AKT3: variants seen among roughly 807,000 people sequenced by gnomAD.
AKT3 encodes the protein AKT serine/threonine kinase 3.
In AKT3, 15 loss-of-function variants were observed where a neutral mutation model predicts 65.3. That is an observed-to-expected ratio of 0.23 (90% confidence interval 0.15 to 0.35). The LOEUF (loss-of-function observed/expected upper bound fraction) is 0.35. Ranked by LOEUF, AKT3 falls within the 10% of genes least tolerant of loss-of-function variation. The probability of loss-of-function intolerance (pLI) is 1.00; values close to 1 mark genes in which losing one functional copy is unlikely to be tolerated. For missense variants in AKT3, 243 were observed against 576.5 expected, an observed-to-expected ratio of 0.42 and a Z score of 5.92; for synonymous variants, 206 against 183.8, an observed-to-expected ratio of 1.12 and a Z score of -0.98.
At chr1:243,495,763 TCTC>T (rs964458250), downstream of AKT3, among the ~76,000 whole-genome samples, 13 of 152,186 alleles carry the variant, frequency 8.5e-5, no homozygotes, top group African/African-American at 3.1e-4. Context: ...AGGGCACCTC[TCTC>T]CTCAGTGCGT....
In AKT3 at chr1:243,801,409, T is replaced by C. The variant is rs563558530; in HGVS notation, c.46+41716A>G. ...ATTCCATCAACCCATGTATTTCATA[T>C]GTAAATGTTCAATGAAACAGGACTT... On this transcript the variant is annotated intron_variant, in intron 2 of 13. Coordinates refer to ENST00000673466, the MANE Select transcript of AKT3 (RefSeq NM_005465.7). Among the ~76,000 whole-genome samples, 10 of 152,356 alleles carry C rather than the reference T, an allele frequency of 6.6e-5. No individual in the cohort carries two copies. In the South Asian group the frequency reaches 1.0e-3, roughly 16 times the overall value.
At chr1:243,489,994 G>A (rs906112882) in intron 13 of AKT3, among the ~76,000 whole-genome samples, 1 of 152,192 alleles carries the variant, frequency 6.6e-6, no homozygotes, top group Non-Finnish European at 1.5e-5. Flanking sequence ...GTGGTCCGTG[G>A]GCTGACCAAG....
chr1:243,678,732 T>C (rs547518484), intron 3 of AKT3, among the ~76,000 whole-genome samples: 5 of 152,202 alleles, frequency 3.3e-5, no homozygotes, highest in African/African-American at 1.2e-4. Flanking sequence ...CAAATCCAGG[T>C]TTTCTAGCTC....
chr1:243,569,364 A>G (rs531914720), intron 9 of AKT3, among the ~76,000 whole-genome samples: 1 of 152,206 alleles, frequency 6.6e-6, no homozygotes, highest in Non-Finnish European at 1.5e-5. Flanking sequence ...TACCAGTACA[A>G]TTTTATTTTA....
At chr1:243,789,429 T>C (rs550813786) in intron 2 of AKT3, among the ~76,000 whole-genome samples, 1 of 152,344 alleles carries the variant, frequency 6.6e-6, no homozygotes, top group African/African-American at 2.4e-5. Flanking sequence ...CAGCAACTCC[T>C]CATCCATTAA....
intron 8 of AKT3, among the ~76,000 whole-genome samples, chr1:243,590,243 T>G (rs1224018152): frequency 6.6e-6 from 1 of 152,202 alleles, no homozygotes; most frequent in Non-Finnish European, 1.5e-5. Context: ...TTAGGTATTC[T>G]CATCACACAC....
At chr1:243,624,228 T>C (rs1467230348) in intron 6 of AKT3, among the ~76,000 whole-genome samples, 1 of 152,198 alleles carries the variant, frequency 6.6e-6, no homozygotes, top group African/African-American at 2.4e-5. Flanking sequence ...ACGGCAGCTG[T>C]ACTGTGCTGT....
chr1:243,508,624 C>T (rs1669818386), intron 13 of AKT3, among the ~76,000 whole-genome samples: 1 of 150,960 alleles, frequency 6.6e-6, no homozygotes, highest in African/African-American at 2.4e-5. Flanking sequence ...GGCAGGACCA[C>T]ACCCCATTTC....
chr1:243,619,779 T>C lies in AKT3; in HGVS notation c.562-4618A>G, dbSNP rs1358108829. Among the ~76,000 whole-genome samples the C allele has an allele frequency of 2.0e-5, 2 of 98,824 alleles. 1 individual carries two copies. The highest frequency in any genetic ancestry group is 5.2e-5 in the African/African-American group (2 of 38,260). 64.8% of individuals were successfully genotyped at this position (98,824 alleles called of 152,430 possible). A position where few individuals can be genotyped will look rare whatever the true frequency, so the allele number is the denominator to read the frequency against. ...TAGGTTGATTACATATTTTGGCTGT[T>C]GTGAATAGTGCTGCAATAAACCTAA... On this transcript the variant is annotated intron_variant, in intron 6 of 13. Coordinates refer to ENST00000673466, the MANE Select transcript of AKT3 (RefSeq NM_005465.7).
intron 2 of AKT3, among the ~76,000 whole-genome samples, chr1:243,723,920 G>GA (rs1311281164): frequency 1.3e-5 from 2 of 151,824 alleles, no homozygotes; most frequent in Admixed American, 6.6e-5. Context: ...TCTGTCTGGG[G>GA]AAAAAAAGGT....
At chr1:243,669,284 C>G (rs377511486) in intron 3 of AKT3, among the ~76,000 whole-genome samples, 1 of 152,096 alleles carries the variant, frequency 6.6e-6, no homozygotes, top group South Asian at 2.1e-4. Context: ...ACAATAAATA[C>G]CCTGATTGGG....
intron 3 of AKT3, among the ~76,000 whole-genome samples, chr1:243,672,114 T>C (rs1252605851): frequency 3.3e-5 from 5 of 152,322 alleles, no homozygotes; most frequent in South Asian, 4.1e-4. Context: ...TGTTTGCCTC[T>C]GGTTCTCTCC....
chr1:243,833,420 G>A (rs572866308), intron 2 of AKT3, among the ~76,000 whole-genome samples: 3 of 151,164 alleles, frequency 2.0e-5, no homozygotes, highest in Admixed American at 6.6e-5. Context: ...CAGGAAGGCC[G>A]AGTTAAAGGG....
chr1:243,546,249 A>G (rs1169700835), intron 11 of AKT3, among the ~76,000 whole-genome samples: 1 of 152,186 alleles, frequency 6.6e-6, no homozygotes, highest in African/African-American at 2.4e-5. Context: ...TGGAACTGTA[A>G]GTCCAATAAA....
At chr1:243,642,527 T>A (rs957079290) in intron 5 of AKT3, among the ~76,000 whole-genome samples, 77 of 152,300 alleles carry the variant, frequency 5.1e-4, no homozygotes, top group Admixed American at 3.5e-3. Flanking sequence ...GCCAGGATGG[T>A]CTCGATCTCC....
intron 2 of AKT3, among the ~76,000 whole-genome samples, chr1:243,771,160 T>C (rs983879834): frequency 6.6e-6 from 1 of 152,210 alleles, no homozygotes; most frequent in Non-Finnish European, 1.5e-5. Context: ...TAAGCCTCAG[T>C]TGAAACTACA....
chr1:243,614,866 G>GA (rs1473262792), intron 7 of AKT3, among the ~76,000 whole-genome samples: 1 of 151,628 alleles, frequency 6.6e-6, no homozygotes, highest in East Asian at 1.9e-4. Flanking sequence ...ATTCATGGGA[G>GA]AAAAAAAATT....
intron 1 of AKT3, among the ~76,000 whole-genome samples, chr1:243,847,270 A>G (rs1009123999): frequency 6.6e-6 from 1 of 152,196 alleles, no homozygotes. Context: ...CAAATCTAAG[A>G]TAGTTTTAAA....
intron 2 of AKT3, among the ~76,000 whole-genome samples, chr1:243,793,776 C>CA (rs34262576): frequency 0.54 from 69,569 of 129,432 alleles, 20,748 homozygotes; most frequent in Non-Finnish European, 0.67. Context: ...AAAACTGTCT[C>CA]AAAAAAAAAA....
Sources: allele counts gnomAD v4.1 joint callset (sites outside exome capture counted in the v4.1 genomes callset), GRCh38; gene constraint gnomAD v4.1.1; transcripts MANE v1.5; gene names NCBI Gene and HGNC (gene_info 2026-07-23, HGNC 2026-07-21).